Variants in RARB observed in about 807,000 individuals in gnomAD.
The protein encoded by RARB is HBV-activated protein.
A neutral mutation model predicts 51.9 loss-of-function variants in RARB; 17 were observed. The ratio of observed to expected loss-of-function variants is 0.33; its 90% CI spans 0.22 to 0.49. RARB has a LOEUF of 0.49. Among genes scored for constraint, RARB ranks in the 20% least tolerant of loss-of-function variants. RARB has a pLI of 0.99. For synonymous variants in RARB, 215 were observed against 195.4 expected (o/e 1.10, Z -0.84); for missense variants, 369 against 550.8 (o/e 0.67, Z 3.30).
chr3:25,324,673 TG>T, intron 5 of RARB: 1 of 162,100 alleles, frequency 6.2e-6, no homozygotes. Flanking sequence ...GCCCCCTTCC[TG>T]GAACATCTGG....
intron 2 of RARB, among the ~76,000 whole-genome samples, chr3:25,008,689 G>T (rs769068042): frequency 6.6e-6 from 1 of 152,002 alleles, no homozygotes; most frequent in Admixed American, 6.6e-5. Flanking sequence ...TCAAGACCTT[G>T]TCAGCAAAAA....
At chr3:25,515,922 A>G (rs1473984221) in intron 3 of RARB, among the ~76,000 whole-genome samples, 2 of 152,274 alleles carry the variant, frequency 1.3e-5, no homozygotes, top group Admixed American at 1.3e-4. Context: ...TCCTGTGCAT[A>G]GAGAAATTGT....
intron 5 of RARB, among the ~76,000 whole-genome samples, chr3:25,250,064 C>T (rs1221448416): frequency 1.3e-5 from 2 of 152,136 alleles, no homozygotes; most frequent in Non-Finnish European, 2.9e-5. Flanking sequence ...AACCCTCTGA[C>T]TCCCAGGGAG....
intron 3 of RARB, among the ~76,000 whole-genome samples, chr3:25,106,454 T>G (rs55870533): frequency 0.25 from 22,616 of 90,102 alleles, 3,296 homozygotes; most frequent in Non-Finnish European, 0.33. Context: ...GTTTTTTGTT[T>G]TTTGTTTTTT....
At chr3:24,917,258 G>T (rs964619310) in intron 2 of RARB, among the ~76,000 whole-genome samples, 1 of 152,066 alleles carries the variant, frequency 6.6e-6, no homozygotes, top group East Asian at 1.9e-4. Context: ...CATGACCTTA[G>T]GTTAAGAGGT....
intron 5 of RARB, among the ~76,000 whole-genome samples, chr3:25,396,072 C>G (rs1352842808): frequency 6.6e-6 from 1 of 152,136 alleles, no homozygotes; most frequent in African/African-American, 2.4e-5. Flanking sequence ...GGGTGTTCTC[C>G]CCCTTCCCCT....
chr3:25,289,040 C>T (rs1475568434), intron 5 of RARB, among the ~76,000 whole-genome samples: 3 of 152,202 alleles, frequency 2.0e-5, no homozygotes, highest in Non-Finnish European at 2.9e-5. Flanking sequence ...ACTGAGGCAA[C>T]GCTTCATAAT....
intron 5 of RARB, among the ~76,000 whole-genome samples, chr3:25,343,439 C>A (rs1193807775): frequency 4.7e-5 from 7 of 150,010 alleles, no homozygotes; most frequent in Admixed American, 4.6e-4. Context: ...AATTTCATTT[C>A]TTTCCCTCAT....
chr3:25,290,452 T>C (rs1374902064), intron 5 of RARB, among the ~76,000 whole-genome samples: 1 of 152,224 alleles, frequency 6.6e-6, no homozygotes, highest in Non-Finnish European at 1.5e-5. Context: ...AATGGATTTC[T>C]GTTGTTTAAA....
rs560224247 is a variant in RARB, at chr3:25,026,699, T to C, written c.-379-33426T>C. 2.5e-4 allele frequency among the ~76,000 whole-genome samples: 38 copies of C among 152,296 alleles called. No homozygotes were observed. In the Middle Eastern group the frequency reaches 0.01, roughly 41 times the overall value. ...ACACAATTTAGCCCATGACAATCCA[T>C]GTCCTGGTAAATTTTTACGTGTATC... On this transcript the variant is annotated intron_variant, in intron 2 of 11. Transcript: ENST00000383772.
In RARB at chr3:24,983,541, AC is replaced by A. The variant is rs768876602; in HGVS notation, c.-379-76579del. ...AATGCTCTCCCTCCCCTTGCCCCCT[AC>A]CCCCTGACAGGTCCTGGTGTGTGGT... On this transcript the variant is annotated intron_variant, in intron 2 of 11. Coordinates refer to the RARB transcript ENST00000383772. Among the ~76,000 whole-genome samples, 4 of 150,674 alleles carry A rather than the reference AC, an allele frequency of 2.7e-5. No individual in the cohort carries two copies. The East Asian group carries it at 5.9e-4, about 22-fold the overall frequency.
chr3:25,255,178 TC>T (rs557951466), intron 5 of RARB, among the ~76,000 whole-genome samples: 1 of 152,096 alleles, frequency 6.6e-6, no homozygotes, highest in Non-Finnish European at 1.5e-5. Flanking sequence ...CATGCAGTCT[TC>T]CCCCACCTTC....
intron 3 of RARB, among the ~76,000 whole-genome samples, chr3:25,076,504 C>T (rs1698873146): frequency 6.6e-6 from 1 of 152,150 alleles, no homozygotes; most frequent in Non-Finnish European, 1.5e-5. Flanking sequence ...GCCCACCAAA[C>T]TTATTTTCCA....
At chr3:25,469,731 A>C (rs1695600023) in intron 2 of RARB, among the ~76,000 whole-genome samples, 1 of 152,188 alleles carries the variant, frequency 6.6e-6, no homozygotes. Context: ...TATTTTTTCC[A>C]ATGCTGAATC....
intron 5 of RARB, among the ~76,000 whole-genome samples, chr3:25,194,131 A>G (rs1292858437): frequency 6.6e-6 from 1 of 151,894 alleles, no homozygotes; most frequent in Non-Finnish European, 1.5e-5. Context: ...GGAGAACATT[A>G]TGCTAAGTGA....
At chr3:25,127,621 A>AGG (rs1203374803) in intron 3 of RARB, among the ~76,000 whole-genome samples, 1 of 152,032 alleles carries the variant, frequency 6.6e-6, no homozygotes, top group East Asian at 1.9e-4. Context: ...TGTTTAGTAA[A>AGG]GGGGAGGAGA....
In RARB at chr3:25,516,630, T is replaced by TC. The variant is rs930250978; in HGVS notation, c.448+15308dup. Among the ~76,000 whole-genome samples, 24 of 147,064 alleles carry TC rather than the reference T, an allele frequency of 1.6e-4. 1 individual carries two copies. Among genetic ancestry groups the TC allele is most frequent in the Non-Finnish European group, 2.8e-4 (19 of 67,550 alleles). ...TCAAAGGTTCATCTTTATTTCCTTG[T>TC]CTTTTTTTTTTTTTGAGACAGGGTC... On this transcript the variant is annotated intron_variant, in intron 3 of 7. Transcript: ENST00000330688.
intron 5 of RARB, among the ~76,000 whole-genome samples, chr3:25,317,283 G>C (rs1313367711): frequency 6.6e-6 from 1 of 152,082 alleles, no homozygotes; most frequent in African/African-American, 2.4e-5. Flanking sequence ...GGATGAAAGG[G>C]AGGGAGAGAG....
intron 1 of RARB, among the ~76,000 whole-genome samples, chr3:25,455,096 T>A (rs1694842677): frequency 6.6e-6 from 1 of 152,206 alleles, no homozygotes; most frequent in Non-Finnish European, 1.5e-5. Context: ...GAGGACTGTT[T>A]CTCAAAATGC....
Sources: gnomAD v4.1 joint callset for allele counts (sites outside exome capture counted in the v4.1 genomes callset) on GRCh38, gnomAD v4.1.1 for gene constraint, MANE v1.5 for transcripts, NCBI Gene and HGNC (gene_info 2026-07-23, HGNC 2026-07-21) for gene names.